TRPM3: variants seen among roughly 807,000 people sequenced by gnomAD.
The protein encoded by TRPM3 is long transient receptor potential channel 3.
In TRPM3, 77 loss-of-function variants were observed where a neutral mutation model predicts 181.2. The ratio of observed to expected loss-of-function variants is 0.42; its 90% CI spans 0.35 to 0.51. TRPM3 has a LOEUF of 0.51. Ranked by LOEUF, TRPM3 falls within the 20% of genes least tolerant of loss-of-function variation. The pLI is 0.01. For missense variants in TRPM3, 1,759 were observed against 2,196.7 expected, an observed-to-expected ratio of 0.80 and a Z score of 3.98; for synonymous variants, 745 against 796.4, an observed-to-expected ratio of 0.94 and a Z score of 1.09.
At chr9:71,292,279 G>A (rs1006662539) in intron 1 of TRPM3, among the ~76,000 whole-genome samples, 1 of 151,774 alleles carries the variant, frequency 6.6e-6, no homozygotes, top group Non-Finnish European at 1.5e-5. Context: ...AAGGAGAATT[G>A]TATTTTAACA....
At chr9:70,962,568 G>T (rs1213343081) in intron 1 of TRPM3, among the ~76,000 whole-genome samples, 1 of 152,134 alleles carries the variant, frequency 6.6e-6, no homozygotes, top group East Asian at 1.9e-4. Flanking sequence ...ATCCATGAAA[G>T]ATATGTTCCA....
chr9:71,092,252 C>T (rs528879800), intron 1 of TRPM3, among the ~76,000 whole-genome samples: 1 of 152,134 alleles, frequency 6.6e-6, no homozygotes, highest in African/African-American at 2.4e-5. Flanking sequence ...AATCCCAGAG[C>T]TCTATTCAAA....
intron 1 of TRPM3, among the ~76,000 whole-genome samples, chr9:71,041,746 T>C (rs1301649071): frequency 6.6e-6 from 1 of 152,140 alleles, no homozygotes; most frequent in East Asian, 1.9e-4. Context: ...TCTTCTCCTT[T>C]GTCCTTAATT....
chr9:70,931,097 A>G (rs1336746093), intron 1 of TRPM3, among the ~76,000 whole-genome samples: 1 of 152,090 alleles, frequency 6.6e-6, no homozygotes, highest in Non-Finnish European at 1.5e-5. Context: ...GAGTTACATA[A>G]GGATAGCAGT....
At chr9:70,906,034 T>C (rs2096460547) in intron 1 of TRPM3, among the ~76,000 whole-genome samples, 1 of 152,186 alleles carries the variant, frequency 6.6e-6, no homozygotes, top group South Asian at 2.1e-4. Flanking sequence ...GATTCATTTC[T>C]TGTTTGAGAA....
rs554347808 is a variant in TRPM3, at chr9:71,163,641, C to T, written c.183+283012G>A. ...ACAAGAGATATACCTTGAGAATCATCAGTGTGGGTACATTAGTGGAAGCCA... is the reference window on the plus strand; with the variant it reads ...ACAAGAGATATACCTTGAGAATCATTAGTGTGGGTACATTAGTGGAAGCCA... On this transcript the variant is annotated intron_variant, in intron 1 of 24. Coordinates refer to the TRPM3 transcript ENST00000357533. 9.2e-5 allele frequency among the ~76,000 whole-genome samples: 14 copies of T among 152,194 alleles called. No homozygotes were observed. The South Asian group carries it at 2.9e-3, about 32-fold the overall frequency.
chr9:70,572,114 T>TTGTGTGTGTGTGTGTGTG (rs58492210), intron 22 of TRPM3, among the ~76,000 whole-genome samples: 210 of 149,964 alleles, frequency 1.4e-3, no homozygotes, highest in African/African-American at 4.9e-3. Context: ...TCCCAGTTAC[T>TTGTGTGTGTGTGTGTGTG]TGTGTGTGTG....
intron 7 of TRPM3, among the ~76,000 whole-genome samples, chr9:70,780,532 A>AT (rs5898166): frequency 0.16 from 24,536 of 149,314 alleles, 2,404 homozygotes; most frequent in East Asian, 0.39. Context: ...TAGGTGGGCC[A>AT]TTTTTTTTTT....
intron 12 of TRPM3, among the ~76,000 whole-genome samples, chr9:70,630,791 T>A (rs1191882329): frequency 6.6e-6 from 1 of 152,242 alleles, no homozygotes; most frequent in Non-Finnish European, 1.5e-5. Context: ...TAGGTACGAT[T>A]TGACAACTTG....
At chr9:70,900,229 T>TA (rs1015073876) in intron 1 of TRPM3, among the ~76,000 whole-genome samples, 1 of 152,092 alleles carries the variant, frequency 6.6e-6, no homozygotes, top group Non-Finnish European at 1.5e-5. Flanking sequence ...TACACTCAGC[T>TA]ACTCGGAAGG....
Position 70,536,082 on chromosome 9 carries a change from G to A in TRPM3, c.5031C>T (p.Asn1677=). ...SISDKLDRQR[N]TASLRNPFQR... is the part of the protein sequence containing the mutation. ...GGAAGGGATTTCGCAGGCTTGCTGTGTTCCGCTGCCTGTCGAGTTTGTCAC... is the reference window on the plus strand; with the variant it reads ...GGAAGGGATTTCGCAGGCTTGCTGTATTCCGCTGCCTGTCGAGTTTGTCAC... The change falls in exon 26 of 26, where the codon AAC becomes AAT. Residue 1677 remains asparagine (N), a synonymous_variant. Coordinates refer to ENST00000677713, the MANE Select transcript of TRPM3 (RefSeq NM_001366145.2). 6.2e-7 allele frequency: 1 copy of A among 1,614,214 alleles called. No individual in the cohort carries two copies. The highest frequency in any genetic ancestry group is 8.5e-7 in the Non-Finnish European group (1 of 1,180,036).
intron 1 of TRPM3, among the ~76,000 whole-genome samples, chr9:71,059,937 G>A (rs184126505): frequency 5.3e-5 from 8 of 152,172 alleles, no homozygotes; most frequent in African/African-American, 1.4e-4. Context: ...CCAGGAGGGT[G>A]TGAAAACTAT....
intron 1 of TRPM3, among the ~76,000 whole-genome samples, chr9:71,356,190 A>C (rs2091890998): frequency 6.6e-6 from 1 of 152,066 alleles, no homozygotes; most frequent in South Asian, 2.1e-4. Context: ...TTTTAACGGA[A>C]TTTTTTTAAA....
chr9:70,541,415 G>A (rs114770249), intron 25 of TRPM3, among the ~76,000 whole-genome samples: 1 of 152,088 alleles, frequency 6.6e-6, no homozygotes, highest in Non-Finnish European at 1.5e-5. Context: ...GGACCTAGCT[G>A]ATAGGGGTTT....
chr9:70,612,257 T>TA (rs1564554018), intron 18 of TRPM3, among the ~76,000 whole-genome samples: 1 of 152,238 alleles, frequency 6.6e-6, no homozygotes, highest in Non-Finnish European at 1.5e-5. Context: ...AGTACTGTTC[T>TA]AACACAAAGC....
chr9:70,535,579 TA>T lies in TRPM3; in HGVS notation c.*373del, dbSNP rs2041526544. On this transcript the variant is annotated 3_prime_UTR_variant, in exon 26 of 26. Coordinates refer to ENST00000677713, the MANE Select transcript of TRPM3 (RefSeq NM_001366145.2). ...TAGCCCTGCATCCTACAACTCTTGA[TA>T]ATGGTCAGAAATCAACAGATGCCTC... The T allele has an allele frequency of 6.6e-7, 1 of 1,516,318 alleles. No individual in the cohort carries two copies. The allele number at this position is 1,516,318 out of a possible 1,614,324, so 93.9% of individuals were successfully genotyped here. A position where few individuals can be genotyped will look rare whatever the true frequency, so the allele number is the denominator to read the frequency against.
intron 1 of TRPM3, among the ~76,000 whole-genome samples, chr9:70,885,649 TCTTGCTTG>T (rs1417336924): frequency 6.6e-6 from 1 of 152,196 alleles, no homozygotes; most frequent in Non-Finnish European, 1.5e-5. Flanking sequence ...GTTCTTCCTT[TCTTGCTTG>T]CTTTACCAGG....
intron 1 of TRPM3, among the ~76,000 whole-genome samples, chr9:71,094,269 A>T (rs1458563074): frequency 2.0e-5 from 3 of 152,138 alleles, no homozygotes; most frequent in African/African-American, 7.2e-5. Flanking sequence ...TTTTAAAATA[A>T]AATAAATTTT....
chr9:70,773,040 G>A (rs2080648732), intron 7 of TRPM3, among the ~76,000 whole-genome samples: 1 of 152,152 alleles, frequency 6.6e-6, no homozygotes, highest in African/African-American at 2.4e-5. Flanking sequence ...TACAACACTG[G>A]CCTCCTGCAA....
Sources: gnomAD v4.1 joint callset for allele counts (sites outside exome capture counted in the v4.1 genomes callset) on GRCh38, gnomAD v4.1.1 for gene constraint, MANE v1.5 for transcripts, NCBI Gene and HGNC (gene_info 2026-07-23, HGNC 2026-07-21) for gene names.